Variants in B3GALNT1 observed in about 807,000 individuals in gnomAD.
B3GALNT1 encodes beta-1,3-N-acetylgalactosaminyltransferase 1 (Globoside blood group), also known as UDP-GalNAc:beta-1,3-N-acetylgalactosaminyltransferase 1.
In B3GALNT1, 17 loss-of-function variants were observed where a neutral mutation model predicts 27.3. The ratio of observed to expected loss-of-function variants is 0.62; its 90% CI spans 0.43 to 0.94. The LOEUF is 0.94. B3GALNT1 is among the 40% of genes least tolerant of loss of function. The pLI is 0.00. For missense variants in B3GALNT1, 347 were observed against 390.0 expected, an observed-to-expected ratio of 0.89 and a Z score of 0.93; for synonymous variants, 141 against 144.0, an observed-to-expected ratio of 0.98 and a Z score of 0.15.
intron 4 of B3GALNT1, among the ~76,000 whole-genome samples, chr3:161,097,559 C>T (rs1484337070): frequency 6.6e-6 from 1 of 152,294 alleles, no homozygotes; most frequent in East Asian, 1.9e-4. Flanking sequence ...GTTCTGCTAT[C>T]CTGCAAATAC....
chr3:161,100,334 A>G (rs1359828226), intron 4 of B3GALNT1, among the ~76,000 whole-genome samples: 1 of 152,218 alleles, frequency 6.6e-6, no homozygotes, highest in Non-Finnish European at 1.5e-5. Flanking sequence ...GTTGTCACAC[A>G]GTTTTAGGTA....
chr3:161,099,818 A>C (rs1730239178), intron 4 of B3GALNT1, among the ~76,000 whole-genome samples: 1 of 151,960 alleles, frequency 6.6e-6, no homozygotes. Context: ...TAACACACAC[A>C]CACACACACA....
At chr3:161,096,140 T>G (rs1728037150) in intron 4 of B3GALNT1, among the ~76,000 whole-genome samples, 1 of 152,264 alleles carries the variant, frequency 6.6e-6, no homozygotes, top group African/African-American at 2.4e-5. Context: ...CTGTAATATT[T>G]GCATACTTTG....
At chr3:161,105,030 G>C (rs1299233667) in intron 1 of B3GALNT1, 3 of 152,428 alleles carry the variant, frequency 2.0e-5, no homozygotes, top group Non-Finnish European at 4.4e-5. Context: ...TCGTCACCGA[G>C]ACCCGAGACC....
chr3:161,102,913 T>C (rs1197180092), intron 3 of B3GALNT1, among the ~76,000 whole-genome samples: 1 of 152,104 alleles, frequency 6.6e-6, no homozygotes, highest in African/African-American at 2.4e-5. Context: ...ACATCATCCA[T>C]CCAAAGGGGA....
rs753450313 is a variant in B3GALNT1 at position 161,086,167 on chromosome 3, G to A, written c.588C>T (p.Asn196=). ...NTGNLVKYLL[N]LNHSEKFFTG... ...TGAAAAACTTCTCTGAGTGGTTTAG[G>A]TTTAAAAGATACTTCACTAAATTGC... Residue 196 remains asparagine (N), a synonymous_variant, in exon 5 of 5, where the codon AAC becomes AAT. Coordinates refer to ENST00000320474, the MANE Select transcript of B3GALNT1 (RefSeq NM_003781.4). 2.9e-5 allele frequency: 47 copies of A among 1,613,858 alleles called. No individual in the cohort carries two copies. The highest frequency in any genetic ancestry group is 3.8e-5 in the Non-Finnish European group (45 of 1,179,948).
chr3:161,088,302 A>C (rs138862530), intron 4 of B3GALNT1, among the ~76,000 whole-genome samples: 4 of 152,336 alleles, frequency 2.6e-5, no homozygotes, highest in Non-Finnish European at 4.4e-5. Flanking sequence ...AACGCAATGT[A>C]ATGTTTTAGC....
intron 4 of B3GALNT1, among the ~76,000 whole-genome samples, chr3:161,091,483 T>C (rs1725073157): frequency 2.0e-5 from 3 of 152,156 alleles, no homozygotes. Context: ...GCACCATCCT[T>C]CTCTGTCTCA....
In B3GALNT1 at chr3:161,085,712, T is replaced by C; in HGVS notation, c.*47A>G. ...CCACAGTACCTACTTTATTTAACAC[T>C]TTCCACAAAGTATCCTGTCCTTCTA... On this transcript the variant is annotated 3_prime_UTR_variant, in exon 5 of 5. Coordinates refer to ENST00000320474, the MANE Select transcript of B3GALNT1 (RefSeq NM_003781.4). 1 of 1,601,974 alleles carries C rather than the reference T, an allele frequency of 6.2e-7. No homozygotes were observed. Among genetic ancestry groups the C allele is most frequent in the Non-Finnish European group, 8.6e-7 (1 of 1,169,078 alleles).
intron 4 of B3GALNT1, among the ~76,000 whole-genome samples, chr3:161,091,929 G>T (rs1725326864): frequency 6.6e-6 from 1 of 152,202 alleles, no homozygotes; most frequent in African/African-American, 2.4e-5. Flanking sequence ...AAGGTTGATG[G>T]ACAATTGGCT....
At chr3:161,094,803 C>A (rs1246462644) in intron 4 of B3GALNT1, among the ~76,000 whole-genome samples, 1 of 152,118 alleles carries the variant, frequency 6.6e-6, no homozygotes, top group Non-Finnish European at 1.5e-5. Flanking sequence ...GTGATCCACC[C>A]CAGTAGCCAG....
Position 161,086,521 on chromosome 3 carries a change from T to C in B3GALNT1, c.234A>G (p.Pro78=), listed in dbSNP as rs754140369. The C allele has an allele frequency of 1.9e-6, 3 of 1,614,100 alleles. No individual in the cohort carries two copies. In the Admixed American group the frequency reaches 5.0e-5, roughly 27 times the overall value. ...GGGAGGTCACCAGAATGACCAGAAATGGATTTTGATGAGAGCAGTTTGAAT... is the reference window on the plus strand; with the variant it reads ...GGGAGGTCACCAGAATGACCAGAAACGGATTTTGATGAGAGCAGTTTGAAT... ...REHSNCSHQN[P]FLVILVTSHP... is the part of the protein sequence containing the mutation. The change falls in exon 5 of 5, where the codon CCA becomes CCG. Residue 78 remains proline, a synonymous_variant. Coordinates refer to ENST00000320474, the MANE Select transcript of B3GALNT1 (RefSeq NM_003781.4).
chr3:161,104,045 C>A, intron 2 of B3GALNT1: 1 of 246,604 alleles, frequency 4.1e-6, no homozygotes, highest in Non-Finnish European at 8.0e-6. Flanking sequence ...GTTTTGACAA[C>A]AGTGTTTATT....
Position 161,104,351 on chromosome 3 carries a change from A to C in B3GALNT1, c.-253T>G. On this transcript the variant is annotated 5_prime_UTR_variant, in exon 2 of 5. It adds an upstream start codon to the 5' untranslated region. Transcript: ENST00000320474. Reference sequence around the variant, plus strand: ...AACAGAAAAAAAGACATGGTTTGGCAATTTCTTCCTTGATAGCTTTTCCCA... The same window carrying C: ...AACAGAAAAAAAGACATGGTTTGGCCATTTCTTCCTTGATAGCTTTTCCCA... 7.8e-7 allele frequency: 1 copy of C among 1,289,744 alleles called. No homozygotes were observed. The highest frequency in any genetic ancestry group is 1.0e-6 in the Non-Finnish European group (1 of 988,852). The allele number at this position is 1,289,744 out of a possible 1,614,324, so 79.9% of individuals were successfully genotyped here. A position where few individuals can be genotyped will look rare whatever the true frequency, so the allele number is the denominator to read the frequency against.
At chr3:161,089,673 AAAAATGCATGCAAACAC>A (rs1162054349) in intron 4 of B3GALNT1, among the ~76,000 whole-genome samples, 2 of 152,372 alleles carry the variant, frequency 1.3e-5, no homozygotes, top group Admixed American at 1.3e-4. Context: ...AATAAAAAGA[AAAAATGCATGCAAACAC>A]AAAATGCAAA....
chr3:161,103,342 G>A (rs868692857), intron 3 of B3GALNT1, 85 bp downstream of exon 3: 7 of 488,300 alleles, frequency 1.4e-5, no homozygotes, highest in South Asian at 8.2e-5. Flanking sequence ...CTGCATCAAC[G>A]ATACTTAAAA....
At chr3:161,091,040 G>A (rs1277380808) in intron 4 of B3GALNT1, among the ~76,000 whole-genome samples, 1 of 152,062 alleles carries the variant, frequency 6.6e-6, no homozygotes, top group Non-Finnish European at 1.5e-5. Flanking sequence ...GGCTAAGGTG[G>A]GAGGATCACT....
At chr3:161,103,380 T>C in intron 3 of B3GALNT1, 47 bp downstream of exon 3, 1 of 989,196 alleles carries the variant, frequency 1.0e-6, no homozygotes. Context: ...TTATGGGCAT[T>C]TTTAACCAAT....
rs748945246 is a variant in B3GALNT1, at chr3:161,086,552, C to T, written c.203G>A (p.Arg68Gln). ...IYRQDFHFTL[R>Q]EHSNCSHQNP... ...TTGATGAGAGCAGTTTGAATGCTCTCGAAGTGTGAAGTGAAAGTCTTGTCT... is the reference window on the plus strand; with the variant it reads ...TTGATGAGAGCAGTTTGAATGCTCTTGAAGTGTGAAGTGAAAGTCTTGTCT... Residue 68 changes from arginine to glutamine, a missense_variant, in exon 5 of 5, where the codon CGA becomes CAA. Coordinates refer to ENST00000320474, the MANE Select transcript of B3GALNT1 (RefSeq NM_003781.4). The T allele has an allele frequency of 9.3e-6, 15 of 1,614,148 alleles. No individual in the cohort carries two copies. The highest frequency in any genetic ancestry group is 1.6e-4 in the Middle Eastern group (1 of 6,062).
Sources: allele counts gnomAD v4.1 joint callset (sites outside exome capture counted in the v4.1 genomes callset), GRCh38; gene constraint gnomAD v4.1.1; transcripts MANE v1.5; gene names NCBI Gene and HGNC (gene_info 2026-07-23, HGNC 2026-07-21).